Variants in STRC observed in about 807,000 individuals in gnomAD.
STRC encodes stereocilin.
In STRC, 43 loss-of-function variants were observed where a neutral mutation model predicts 103.5. The observed-to-expected ratio is 0.42, with a 90% CI of 0.33 to 0.54. The LOEUF is 0.54. Ranked by LOEUF, STRC falls within the 20% of genes least tolerant of loss-of-function variation. STRC has a pLI of 0.14. For synonymous variants in STRC, 186 were observed against 442.3 expected (o/e 0.42, Z 7.27); for missense variants, 499 against 1,088.5 (o/e 0.46, Z 7.62).
chr15:43,602,924 C>T (rs535705495), intron 23 of STRC, among the ~76,000 whole-genome samples: 7 of 151,076 alleles, frequency 4.6e-5, no homozygotes, highest in East Asian at 2.0e-4. Context: ...AGATTATAGG[C>T]GTGAGCCGCT....
rs2085696819 is a variant in STRC, at chr15:43,604,360, C to T, written c.4218+1G>A. The T allele has an allele frequency of 6.4e-7, 1 of 1,565,600 alleles. No homozygotes were observed. The highest frequency in any genetic ancestry group is 8.7e-7 in the Non-Finnish European group (1 of 1,151,312). ...TCCCTTCCCTTCTTCCTTCATCTCACCCTGGGGATCAAGGAAATTGCCTCA... is the reference window on the plus strand; with the variant it reads ...TCCCTTCCCTTCTTCCTTCATCTCATCCTGGGGATCAAGGAAATTGCCTCA... On this transcript the variant is annotated splice_donor_variant, in intron 21 of 28. Transcript: ENST00000450892. LOFTEE classifies it high-confidence loss of function.
Position 43,601,279 on chromosome 15 carries a change from AG to A in STRC, c.4701+116del. On this transcript the variant is annotated intron_variant, in intron 24 of 28. Transcript: ENST00000450892. ...CTAGTATGGGGTATCAACAAAAGAT[AG>A]AAAGAAGGACCAGGTAGGGTCACAG... 17 of 1,471,008 alleles carry A rather than the reference AG, an allele frequency of 1.2e-5. 1 individual carries two copies. Among genetic ancestry groups the A allele is most frequent in the Non-Finnish European group, 1.5e-5 (16 of 1,060,584 alleles). 91.1% of individuals were successfully genotyped at this position (1,471,008 alleles called of 1,614,324 possible). A position where few individuals can be genotyped will look rare whatever the true frequency, so the allele number is the denominator to read the frequency against.
chr15:43,603,543 T>A lies in STRC; in HGVS notation c.4376-132A>T. The stretch of plus-strand genomic sequence containing the variant: ...TGAGAAATAGGGATCAAAGGAGTAT[T>A]ACAGAGTAATATGTATAGGGCTTAG... On this transcript the variant is annotated intron_variant, in intron 22 of 28. Transcript: ENST00000450892. The A allele has an allele frequency of 3.0e-6, 3 of 1,001,126 alleles. No homozygotes were observed. In the South Asian group the frequency reaches 3.9e-5, roughly 13 times the overall value. The allele number at this position is 1,001,126 out of a possible 1,614,324, so 62.0% of individuals were successfully genotyped here. A position where few individuals can be genotyped will look rare whatever the true frequency, so the allele number is the denominator to read the frequency against.
chr15:43,601,278 TAGAA>T, intron 24 of STRC, 114 bp downstream of exon 24: 1 of 1,468,132 alleles, frequency 6.8e-7, no homozygotes, highest in East Asian at 2.3e-5. Flanking sequence ...CAACAAAAGA[TAGAA>T]AGAAGGACCA....
In STRC at chr15:43,611,076, G is replaced by T; in HGVS notation, c.3306+72C>A. The stretch of plus-strand genomic sequence containing the variant: ...TATGAAAGGCCTTCCCTGGCCTCAG[G>T]GAAGATGCCTTCCTCCCAACCAGAA... On this transcript the variant is annotated intron_variant, in intron 13 of 28. Coordinates refer to ENST00000450892, the MANE Select transcript of STRC (RefSeq NM_153700.2). The T allele has an allele frequency of 1.5e-5, 23 of 1,571,570 alleles. 2 individuals carry two copies. Among genetic ancestry groups the T allele is most frequent in the Non-Finnish European group, 1.9e-5 (22 of 1,150,534 alleles).
chr15:43,603,456 T>C, intron 22 of STRC, 45 bp from the exon 23 acceptor site: 2 of 1,592,616 alleles, frequency 1.3e-6, no homozygotes, highest in Non-Finnish European at 1.7e-6. Context: ...AGTAATAAAA[T>C]ATGCCCAGAG....
rs1726867746 is a variant in STRC, at chr15:43,605,096, C to G, written c.3930+168G>C. On this transcript the variant is annotated intron_variant, in intron 19 of 28. Coordinates refer to ENST00000450892, the MANE Select transcript of STRC (RefSeq NM_153700.2). ...GGACAAGTAACGTGAAGCATATTATCAAGGAACAGAACCCAGAGGCAAAAC... is the reference window on the plus strand; with the variant it reads ...GGACAAGTAACGTGAAGCATATTATGAAGGAACAGAACCCAGAGGCAAAAC... 4 of 1,335,900 alleles carry G rather than the reference C, an allele frequency of 3.0e-6. No individual in the cohort carries two copies. The Admixed American group carries it at 8.2e-5, about 27-fold the overall frequency. 82.8% of individuals were successfully genotyped at this position (1,335,900 alleles called of 1,614,324 possible).
At chr15:43,601,725 G>T (rs2085670505) in intron 23 of STRC, 174 bp from the exon 24 acceptor site, 4 of 666,590 alleles carry the variant, frequency 6.0e-6, no homozygotes, top group Non-Finnish European at 1.0e-5. Flanking sequence ...CCTCTAAGGT[G>T]TTTTGAAAGA....
At chr15:43,601,306 G>A in intron 24 of STRC, 90 bp downstream of exon 24, 1 of 1,587,766 alleles carries the variant, frequency 6.3e-7, no homozygotes, top group East Asian at 2.2e-5. Context: ...AGGGTCACAG[G>A]AAAAAAATTC....
chr15:43,606,436 C>A (rs1408384046), intron 18 of STRC, among the ~76,000 whole-genome samples: 1 of 144,752 alleles, frequency 6.9e-6, no homozygotes, highest in Admixed American at 6.9e-5. Context: ...CCCGTCTCTA[C>A]TAAAAATGCA....
intron 23 of STRC, among the ~76,000 whole-genome samples, chr15:43,602,893 C>G (rs1376323794): frequency 6.6e-6 from 1 of 151,730 alleles, no homozygotes; most frequent in East Asian, 1.9e-4. Context: ...GATCTGCCCG[C>G]CTTGGCCTCC....
rs1555447487 is a variant in STRC, at chr15:43,611,000, T to TTTGTGTGTG, written c.3307-17_3307-16insCACACACAA. 38,189 of 1,470,256 alleles carry TTTGTGTGTG rather than the reference T, an allele frequency of 0.026. 3 individuals are homozygous for TTTGTGTGTG. The highest frequency in any genetic ancestry group is 0.029 in the Non-Finnish European group (31,393 of 1,069,800). The allele number at this position is 1,470,256 out of a possible 1,614,324, so 91.1% of individuals were successfully genotyped here. On this transcript the variant is annotated splice_polypyrimidine_tract_variant and intron_variant, in intron 13 of 28. Transcript: ENST00000450892. ...CATCTTTAACCTGCATGAGAATTGG[T>TTTGTGTGTG]TGTGTGTGTGTGTGTGTGTGTGTGT... is the stretch of plus-strand genomic sequence containing the variant.
chr15:43,604,986 C>T, intron 19 of STRC, 140 bp from the exon 20 acceptor site: 1 of 1,373,998 alleles, frequency 7.3e-7, no homozygotes, highest in Non-Finnish European at 1.0e-6. Flanking sequence ...CCTTTGTTCA[C>T]TTCCTTAAGC....
chr15:43,603,905 C>T lies in STRC; in HGVS notation c.4375+91G>A, dbSNP rs2085692379. 6 of 1,596,668 alleles carry T rather than the reference C, an allele frequency of 3.8e-6. No individual in the cohort carries two copies. In the Admixed American group the frequency reaches 6.9e-5, roughly 18 times the overall value. ...ACTCTTTGCTTTATAAATTAGAAAA[C>T]CCAGTCCCAGGGAAGAGCACATGTA... On this transcript the variant is annotated intron_variant, in intron 22 of 28. Transcript: ENST00000450892.
At position 43,604,716 on chromosome 15, in the gene STRC, C is replaced by T. The variant is rs771060490; in HGVS notation, c.4061G>A (p.Gly1354Asp). The change falls in exon 20 of 29, where the codon GGC becomes GAC. Residue 1354 changes from glycine to aspartate, a missense_variant. Coordinates refer to ENST00000450892, the MANE Select transcript of STRC (RefSeq NM_153700.2). ...GGCAAATGTCTCTCCTAGGCAGAAG[C>T]CTTGCAGCTGACTGAGATGGGACAG... is the stretch of plus-strand genomic sequence containing the variant. ...ILLSHLSQLQGFCLGETFATE... is the reference protein window; with the variant it reads ...ILLSHLSQLQDFCLGETFATE... 2.5e-6 allele frequency: 4 copies of T among 1,613,520 alleles called. No individual in the cohort carries two copies. The highest frequency in any genetic ancestry group is 2.7e-5 in the African/African-American group (2 of 74,858).
Position 43,601,384 on chromosome 15 carries a change from G to T in STRC, c.4701+12C>A, listed in dbSNP as rs376627636. 347 of 1,612,766 alleles carry T rather than the reference G, an allele frequency of 2.2e-4. 7 individuals carry two copies. In the East Asian group the frequency reaches 4.9e-3, roughly 23 times the overall value. On this transcript the variant is annotated intron_variant, in intron 24 of 28. Transcript: ENST00000450892. ...GTGTTTGGGAAGCCGTAGGGAGGAG[G>T]AAAAGTGTTACCTGAGTGGTGCTCC... is the stretch of plus-strand genomic sequence containing the variant.
chr15:43,600,419 C>T (rs1041201648), intron 26 of STRC, 115 bp downstream of exon 26: 1 of 1,528,484 alleles, frequency 6.5e-7, no homozygotes, highest in African/African-American at 1.4e-5. Flanking sequence ...TCTCTAGCCC[C>T]TTATTTAAAC....
At chr15:43,605,628 G>GAAAAAAAAAAAAAA in intron 18 of STRC, among the ~76,000 whole-genome samples, 1 of 136,104 alleles carries the variant, frequency 7.3e-6, no homozygotes, top group African/African-American at 3.0e-5. Context: ...AAAAAATAAC[G>GAAAAAAAAAAAAAA]AACAATCCTA....
chr15:43,604,508 A>G, intron 20 of STRC, 57 bp from the exon 21 acceptor site: 1 of 1,586,412 alleles, frequency 6.3e-7, no homozygotes, highest in Non-Finnish European at 8.6e-7. Flanking sequence ...GAGGAAAAGG[A>G]AGGGGAAAAG....
Sources: allele counts gnomAD v4.1 joint callset (sites outside exome capture counted in the v4.1 genomes callset), GRCh38; gene constraint gnomAD v4.1.1; transcripts MANE v1.5; gene names NCBI Gene and HGNC (gene_info 2026-07-23, HGNC 2026-07-21).